The following ZC3H12B variants were observed in gnomAD, a reference collection of about 807,000 sequenced individuals.
ZC3H12B encodes the protein zinc finger CCCH-type containing 12B.
In ZC3H12B, 7 loss-of-function variants were observed where a neutral mutation model predicts 43.9. The ratio of observed to expected loss-of-function variants is 0.16; its 90% CI spans 0.09 to 0.30. The LOEUF is 0.30. Ranked by LOEUF, ZC3H12B falls within the 10% of genes least tolerant of loss-of-function variation. The pLI is 1.00. For missense variants in ZC3H12B, 475 were observed against 670.2 expected (o/e 0.71, Z 3.22); for synonymous variants, 222 against 241.7 (o/e 0.92, Z 0.76).
the ZC3H12B span, chrX:65,357,167 C>T: frequency 2.3e-6 from 1 of 440,600 alleles, no homozygotes; most frequent in Admixed American, 2.9e-5. Context: ...ATTTCTTCAC[C>T]TCTTTTCATT....
At chrX:65,408,095 A>C in intron 3 of ZC3H12B, 1 of 1,195,367 alleles carries the variant, frequency 8.4e-7, no homozygotes, top group African/African-American at 1.7e-5. Context: ...GTTCCCGCAG[A>C]GCCGGCACCC....
At chrX:65,357,952 C>T in the ZC3H12B span, among the ~76,000 whole-genome samples, 1 of 108,937 alleles carries the variant, frequency 9.2e-6, no homozygotes, top group African/African-American at 3.4e-5. Context: ...AGACCCATCT[C>T]ATGTGCAAAG....
chrX:65,501,806 G>A (rs868141662), exon 5 of ZC3H12B: 1 of 1,167,532 alleles, frequency 8.6e-7, no homozygotes, highest in Non-Finnish European at 1.1e-6. Context: ...ATGCACCTAC[G>A]GCCACAAGTG....
the ZC3H12B span, among the ~76,000 whole-genome samples, chrX:65,171,224 T>C: frequency 9.0e-6 from 1 of 111,644 alleles, no homozygotes; most frequent in African/African-American, 3.3e-5. Flanking sequence ...GGTTTCGGTG[T>C]GGATGTCCTT....
At chrX:65,201,325 T>C in the ZC3H12B span, among the ~76,000 whole-genome samples, 3 of 111,864 alleles carry the variant, frequency 2.7e-5, no homozygotes, top group Non-Finnish European at 3.8e-5. Flanking sequence ...GATTTTCTAG[T>C]TTATGTGTAT....
At chrX:65,197,653 G>C in the ZC3H12B span, among the ~76,000 whole-genome samples, 4 of 112,110 alleles carry the variant, frequency 3.6e-5, no homozygotes, top group South Asian at 3.6e-4. Context: ...TTCCCCAAAA[G>C]TCTAGTAAAT....
the ZC3H12B span, among the ~76,000 whole-genome samples, chrX:65,085,907 T>C: frequency 8.9e-6 from 1 of 111,825 alleles, no homozygotes; most frequent in East Asian, 2.8e-4. Context: ...TTTTAATACA[T>C]ATTTCCCACA....
the ZC3H12B span, among the ~76,000 whole-genome samples, chrX:65,131,796 A>T: frequency 1.8e-5 from 2 of 111,620 alleles, no homozygotes; most frequent in Non-Finnish European, 3.8e-5. Context: ...AAGGTAGGTA[A>T]CGGATGGAGA....
chrX:65,451,898 G>A (rs912755575), intron 3 of ZC3H12B, among the ~76,000 whole-genome samples: 9 of 111,944 alleles, frequency 8.0e-5, no homozygotes, highest in African/African-American at 2.9e-4. Context: ...TTCTCTGGCA[G>A]TACAACAAGC....
the ZC3H12B span, among the ~76,000 whole-genome samples, chrX:65,137,480 CAAGT>C: frequency 1.8e-5 from 2 of 111,918 alleles, no homozygotes; most frequent in Non-Finnish European, 3.8e-5. Context: ...AATATAGAAA[CAAGT>C]AACCTAGAAT....
the ZC3H12B span, among the ~76,000 whole-genome samples, chrX:65,241,879 T>C: frequency 3.6e-5 from 4 of 111,574 alleles, no homozygotes. Flanking sequence ...ATCTCCTACC[T>C]TGCTGGCATT....
At chrX:65,147,247 G>T in the ZC3H12B span, among the ~76,000 whole-genome samples, 2 of 112,052 alleles carry the variant, frequency 1.8e-5, no homozygotes, top group Non-Finnish European at 3.8e-5. Context: ...ATTCTGGGCA[G>T]GCTGTCTGGT....
chrX:65,233,053 T>A, the ZC3H12B span, among the ~76,000 whole-genome samples: 1 of 112,179 alleles, frequency 8.9e-6, no homozygotes, highest in Non-Finnish European at 1.9e-5. Context: ...ATAACAATTG[T>A]AAATATTTAT....
At chrX:65,149,476 G>T in the ZC3H12B span, among the ~76,000 whole-genome samples, 1 of 111,305 alleles carries the variant, frequency 9.0e-6, no homozygotes, top group African/African-American at 3.3e-5. Context: ...TAAAAGTAAA[G>T]TATTATGTGC....
the ZC3H12B span, among the ~76,000 whole-genome samples, chrX:65,122,244 T>C: frequency 1.1e-4 from 12 of 110,782 alleles, no homozygotes; most frequent in Non-Finnish European, 1.9e-4. Context: ...CATTCTTAAA[T>C]AAAAGAATTT....
chrX:65,351,538 C>T, the ZC3H12B span, among the ~76,000 whole-genome samples: 2 of 112,082 alleles, frequency 1.8e-5, no homozygotes, highest in East Asian at 5.6e-4. Context: ...GCAACCTGCA[C>T]AACGGGAGAA....
the ZC3H12B span, among the ~76,000 whole-genome samples, chrX:65,241,545 G>A: frequency 6.2e-5 from 7 of 112,342 alleles, no homozygotes; most frequent in African/African-American, 1.9e-4. Context: ...TCGCCCCTGA[G>A]TGAGGAGGAA....
chrX:65,334,326 A>C, the ZC3H12B span, among the ~76,000 whole-genome samples: 1 of 112,070 alleles, frequency 8.9e-6, no homozygotes, highest in Non-Finnish European at 1.9e-5. Flanking sequence ...AATTTTTCAC[A>C]ACCTTTCACT....
At chrX:65,181,955 A>T in the ZC3H12B span, among the ~76,000 whole-genome samples, 1,116 of 111,837 alleles carry the variant, frequency 1.0e-2, 14 homozygotes, top group African/African-American at 0.034. Flanking sequence ...ATGTGCACGT[A>T]TGTCTATTGC....
Sources: allele counts gnomAD v4.1 joint callset (sites outside exome capture counted in the v4.1 genomes callset), GRCh38; gene constraint gnomAD v4.1.1; transcripts MANE v1.5; gene names NCBI Gene and HGNC (gene_info 2026-07-23, HGNC 2026-07-21).